The following CPQ variants were observed in gnomAD, a reference collection of about 807,000 sequenced individuals.
CPQ encodes the protein carboxypeptidase Q.
CPQ carries 37 observed loss-of-function variants against 45.7 expected under a neutral mutation model. The observed-to-expected ratio is 0.81, with a 90% confidence interval of 0.62 to 1.07. The LOEUF is 1.07. Among genes scored for constraint, CPQ ranks in the 50% least tolerant of loss-of-function variants. The pLI, the probability that CPQ is intolerant of heterozygous loss-of-function variation, is 0.00. For missense variants in CPQ, 537 were observed against 572.9 expected (o/e 0.94, Z 0.64); for synonymous variants, 186 against 205.8 (o/e 0.90, Z 0.82).
chr8:96,767,837 GT>G (rs1359207729), intron 1 of CPQ, among the ~76,000 whole-genome samples: 1 of 151,706 alleles, frequency 6.6e-6, no homozygotes, highest in African/African-American at 2.4e-5. Flanking sequence ...TAGAGACAGG[GT>G]TTCACATGTT....
intron 1 of CPQ, among the ~76,000 whole-genome samples, chr8:96,769,976 C>T (rs1181039248): frequency 1.3e-5 from 2 of 152,056 alleles, no homozygotes; most frequent in African/African-American, 2.4e-5. Context: ...AGAATTTAGG[C>T]TTTGTTGTTT....
At chr8:96,786,896 A>C (rs1172611262) in intron 2 of CPQ, among the ~76,000 whole-genome samples, 1 of 152,092 alleles carries the variant, frequency 6.6e-6, no homozygotes. Flanking sequence ...AGAGTTTTAA[A>C]AGCTTTTTTA....
chr8:96,703,893 G>A lies in CPQ; in HGVS notation c.-35+58491G>A, dbSNP rs148930741. ...CTAGGGACCATGGAAGTGAAGTTTT[G>A]TTTCATTTATTCATCTATTCAACAA... On this transcript the variant is annotated intron_variant, in intron 1 of 7. Coordinates refer to ENST00000220763, the MANE Select transcript of CPQ (RefSeq NM_016134.4). Among the ~76,000 whole-genome samples, 163 of 152,132 alleles carry A rather than the reference G, an allele frequency of 1.1e-3. 2 individuals are homozygous for A. In the East Asian group the frequency reaches 0.026, roughly 24 times the overall value.
In CPQ at chr8:96,867,977, T is replaced by C. The variant is rs144349266; in HGVS notation, c.642-11821T>C. On this transcript the variant is annotated intron_variant, in intron 3 of 7. Transcript: ENST00000220763. ...TCTTCACCTGCACATAAAACAGGGCTGTACATCTCAGTCCCTTGGAGTTTG... is the reference window on the plus strand; with the variant it reads ...TCTTCACCTGCACATAAAACAGGGCCGTACATCTCAGTCCCTTGGAGTTTG... Among the ~76,000 whole-genome samples, 48 of 152,184 alleles carry C rather than the reference T, an allele frequency of 3.2e-4. No homozygotes were observed. The East Asian group carries it at 8.6e-3, about 27-fold the overall frequency.
chr8:96,718,577 T>C (rs1246291507), intron 1 of CPQ, among the ~76,000 whole-genome samples: 1 of 152,086 alleles, frequency 6.6e-6, no homozygotes, highest in Admixed American at 6.5e-5. Context: ...TGGCAAGATT[T>C]ATTGCAAAGA....
chr8:96,759,602 T>C (rs1480395677), intron 1 of CPQ, among the ~76,000 whole-genome samples: 1 of 152,198 alleles, frequency 6.6e-6, no homozygotes, highest in East Asian at 1.9e-4. Flanking sequence ...TATGCCATTA[T>C]TTTATTTGAT....
At chr8:97,020,647 A>ATC (rs1439061464) in intron 5 of CPQ, among the ~76,000 whole-genome samples, 1 of 152,204 alleles carries the variant, frequency 6.6e-6, no homozygotes, top group Non-Finnish European at 1.5e-5. Context: ...ATTCCTGAAA[A>ATC]GATACAACCT....
chr8:96,840,746 C>T (rs1563510379), intron 3 of CPQ, among the ~76,000 whole-genome samples: 1 of 152,108 alleles, frequency 6.6e-6, no homozygotes. Context: ...AGTATGAGAA[C>T]ATTAGAACTT....
intron 4 of CPQ, among the ~76,000 whole-genome samples, chr8:96,913,371 T>C (rs1812693088): frequency 6.6e-6 from 1 of 152,198 alleles, no homozygotes; most frequent in Non-Finnish European, 1.5e-5. Flanking sequence ...AGTAAATACC[T>C]ATCTGCTCTC....
chr8:97,004,743 G>A (rs527751813), intron 5 of CPQ, among the ~76,000 whole-genome samples: 12 of 152,192 alleles, frequency 7.9e-5, no homozygotes, highest in Non-Finnish European at 1.2e-4. Flanking sequence ...CTGTGAAATA[G>A]CACAGATAAA....
intron 3 of CPQ, among the ~76,000 whole-genome samples, chr8:96,845,025 CCTCAGGGCCTTTGCA>C (rs1305167462): frequency 6.6e-6 from 1 of 152,218 alleles, no homozygotes; most frequent in African/African-American, 2.4e-5. Flanking sequence ...ATATTTTCCA[CCTCAGGGCCTTTGCA>C]CTCACTGTCC....
intron 7 of CPQ, among the ~76,000 whole-genome samples, chr8:97,086,767 G>A (rs769028990): frequency 6.6e-6 from 1 of 152,094 alleles, no homozygotes; most frequent in Non-Finnish European, 1.5e-5. Context: ...CATTGTCCCA[G>A]AGGAATACCA....
At chr8:96,889,808 C>T (rs1812349835) in intron 4 of CPQ, among the ~76,000 whole-genome samples, 1 of 152,166 alleles carries the variant, frequency 6.6e-6, no homozygotes, top group African/African-American at 2.4e-5. Flanking sequence ...GGTCAGAAGA[C>T]TTAGCAAGTC....
chr8:96,963,812 T>A (rs574336028), intron 4 of CPQ, among the ~76,000 whole-genome samples: 2 of 152,210 alleles, frequency 1.3e-5, no homozygotes, highest in South Asian at 4.1e-4. Context: ...CCCCAAAAGG[T>A]TTCCTCTACC....
chr8:96,871,688 C>A (rs1207447184), intron 3 of CPQ, among the ~76,000 whole-genome samples: 1 of 151,742 alleles, frequency 6.6e-6, no homozygotes, highest in Non-Finnish European at 1.5e-5. Flanking sequence ...CAGTTTACAT[C>A]ATTGAAAACT....
At chr8:96,785,619 T>C (rs975797050) in intron 2 of CPQ, among the ~76,000 whole-genome samples, 1 of 152,156 alleles carries the variant, frequency 6.6e-6, no homozygotes, top group Non-Finnish European at 1.5e-5. Context: ...ATTAGCATGG[T>C]TCTATAGATA....
intron 7 of CPQ, among the ~76,000 whole-genome samples, chr8:97,103,799 C>T (rs1296128932): frequency 6.6e-6 from 1 of 152,172 alleles, no homozygotes; most frequent in African/African-American, 2.4e-5. Context: ...TGGGAAGTCA[C>T]AGGCAGACAG....
At chr8:96,886,844 A>G (rs182543555) in intron 4 of CPQ, among the ~76,000 whole-genome samples, 12 of 152,288 alleles carry the variant, frequency 7.9e-5, no homozygotes, top group African/African-American at 2.9e-4. Flanking sequence ...CCTTTCTCTC[A>G]TGCTTTTTCT....
chr8:97,033,622 A>G lies in CPQ; in HGVS notation c.1053+4128A>G, dbSNP rs549730474. On this transcript the variant is annotated intron_variant, in intron 6 of 7. Coordinates refer to ENST00000220763, the MANE Select transcript of CPQ (RefSeq NM_016134.4). ...TGTAATGATAAAAGCTTGCATGCACAATCTTTTTTTTTTTTTGCATTCTTA... is the reference window on the plus strand; with the variant it reads ...TGTAATGATAAAAGCTTGCATGCACGATCTTTTTTTTTTTTTGCATTCTTA... 2.0e-5 allele frequency among the ~76,000 whole-genome samples: 3 copies of G among 150,972 alleles called. No individual in the cohort carries two copies. In the South Asian group the frequency reaches 6.2e-4, roughly 31 times the overall value.
Sources: allele counts gnomAD v4.1 joint callset (sites outside exome capture counted in the v4.1 genomes callset), GRCh38; gene constraint gnomAD v4.1.1; transcripts MANE v1.5; gene names NCBI Gene and HGNC (gene_info 2026-07-23, HGNC 2026-07-21).